FOXK2: variants seen among roughly 807,000 people sequenced by gnomAD.
FOXK2 encodes forkhead box K2.
Under a neutral mutation model 53.3 loss-of-function variants are expected in FOXK2, and 24 were observed. The ratio of observed to expected loss-of-function variants is 0.45; its 90% confidence interval spans 0.33 to 0.63. The LOEUF (loss-of-function observed/expected upper bound fraction) is 0.63. Among genes scored for constraint, FOXK2 ranks in the 30% least tolerant of loss-of-function variants. The pLI is 0.03. For missense variants in FOXK2, 952 were observed against 910.5 expected (o/e 1.05, Z -0.59); for synonymous variants, 505 against 407.1 (o/e 1.24, Z -2.89).
chr17:82,529,218 C>CTTTT lies in FOXK2; in HGVS notation c.419+8930_419+8933dup, dbSNP rs753569022. ...CTGTTCAAATTATACTTGAAAGCGC[C>CTTTT]TTTTTTTTTTTTTTTTTTTTTTGAG... is the stretch of plus-strand genomic sequence containing the variant. On this transcript the variant is annotated intron_variant, in intron 1 of 8. Coordinates refer to ENST00000335255, the MANE Select transcript of FOXK2 (RefSeq NM_004514.4). 1.7e-3 allele frequency among the ~76,000 whole-genome samples: 157 copies of CTTTT among 90,454 alleles called. 1 individual carries two copies. Among genetic ancestry groups the CTTTT allele is most frequent in the African/African-American group, 2.5e-3 (53 of 21,102 alleles). 59.3% of individuals were successfully genotyped at this position (90,454 alleles called of 152,430 possible).
At chr17:82,586,836 G>A (rs2045181088) in intron 7 of FOXK2, among the ~76,000 whole-genome samples, 1 of 152,098 alleles carries the variant, frequency 6.6e-6, no homozygotes, top group Non-Finnish European at 1.5e-5. Flanking sequence ...GGAAGGTGGA[G>A]GTTGCAGTGA....
chr17:82,523,839 G>C (rs2044391072), intron 1 of FOXK2, among the ~76,000 whole-genome samples: 1 of 152,076 alleles, frequency 6.6e-6, no homozygotes, highest in African/African-American at 2.4e-5. Context: ...TTCTTTTTAA[G>C]TTTAAAAATC....
chr17:82,596,260 T>G, intron 8 of FOXK2: 6 of 957,352 alleles, frequency 6.3e-6, no homozygotes, highest in Non-Finnish European at 7.5e-6. Context: ...CTAGGGCAGT[T>G]GTTCGCTGAC....
chr17:82,583,403 C>T (rs184870515), intron 5 of FOXK2, among the ~76,000 whole-genome samples: 60 of 152,292 alleles, frequency 3.9e-4, no homozygotes, highest in African/African-American at 1.3e-3. Flanking sequence ...AAAAATTAGC[C>T]GGGCGCGGTG....
chr17:82,585,933 A>G lies in FOXK2; in HGVS notation c.1309A>G (p.Ile437Val), dbSNP rs776222029. 4.3e-6 allele frequency: 7 copies of G among 1,612,410 alleles called. No homozygotes were observed. The highest frequency in any genetic ancestry group is 5.1e-6 in the Non-Finnish European group (6 of 1,179,652). The change falls in exon 7 of 9, where the codon ATC (isoleucine) becomes GTC (valine). Residue 437 changes from isoleucine to valine, a missense_variant. Ile to Val is a conservative substitution (Grantham distance 29, BLOSUM62 3). Coordinates refer to ENST00000335255, the MANE Select transcript of FOXK2 (RefSeq NM_004514.4). ...ACCTCTGTCCAGTCAGCCAGTCTTA[A>G]TCACCGTCCAGCGGCAGCTACCACA... Reference protein sequence around the residue: ...GSPLSSQPVLITVQRQLPQAI... With the variant: ...GSPLSSQPVLVTVQRQLPQAI...
intron 1 of FOXK2, among the ~76,000 whole-genome samples, chr17:82,548,216 C>T (rs2044645331): frequency 6.6e-6 from 1 of 152,190 alleles, no homozygotes. Context: ...ACCCACTTTT[C>T]CAGAGCAGTT....
chr17:82,544,541 C>T (rs142561858), intron 1 of FOXK2, among the ~76,000 whole-genome samples: 35 of 152,288 alleles, frequency 2.3e-4, no homozygotes, highest in Non-Finnish European at 2.6e-4. Context: ...TTATTCCCAG[C>T]ACTGCGTCAT....
At position 82,587,069 on chromosome 17, in the gene FOXK2, T is replaced by C; in HGVS notation, c.1583T>C (p.Val528Ala). ...TCTTTTCCTTTAATTTCAGTGAAAG[T>C]AGAGCCTATTCCCGCCATTGGCCAC... is the stretch of plus-strand genomic sequence containing the variant. ...NGDHREVKVK[V>A]EPIPAIGHAT... The change falls in exon 8 of 9, where the codon GTA becomes GCA. Residue 528 changes from valine to alanine, a missense_variant. By Grantham distance (64) the Val-to-Ala change is moderately conservative. This residue lies in a region of FOXK2 where 551 missense variants were observed against 385.1 expected (regional missense o/e 1.43). Transcript: ENST00000335255. The C allele has an allele frequency of 6.2e-7, 1 of 1,612,738 alleles. No homozygotes were observed. Among genetic ancestry groups the C allele is most frequent in the Non-Finnish European group, 8.5e-7 (1 of 1,179,868 alleles).
intron 8 of FOXK2, among the ~76,000 whole-genome samples, chr17:82,589,238 C>G (rs1470749484): frequency 1.3e-5 from 2 of 152,066 alleles, no homozygotes; most frequent in Non-Finnish European, 2.9e-5. Flanking sequence ...ATGAGATGTC[C>G]ACTTGCCCAC....
In FOXK2 at chr17:82,604,300, C is replaced by G. The variant is rs980953767; in HGVS notation, c.*2801C>G. 1.3e-5 allele frequency: 2 copies of G among 152,430 alleles called. No homozygotes were observed. The highest frequency in any genetic ancestry group is 4.8e-5 in the African/African-American group (2 of 41,414). The allele number at this position is 152,430 out of a possible 1,614,324, so 9.4% of individuals were successfully genotyped here. A position where few individuals can be genotyped will look rare whatever the true frequency, so the allele number is the denominator to read the frequency against. On this transcript the variant is annotated 3_prime_UTR_variant, in exon 9 of 9. Transcript: ENST00000335255. ...GTGTGTGCGGCATGATCCTCGGTTG[C>G]TCCTCCTCTCACTTTAGTAGAGTAC...
chr17:82,531,676 A>G (rs2044473038), intron 1 of FOXK2, among the ~76,000 whole-genome samples: 1 of 152,182 alleles, frequency 6.6e-6, no homozygotes, highest in Non-Finnish European at 1.5e-5. Flanking sequence ...TAGAAAAGGC[A>G]CAGTAAAAAT....
At chr17:82,537,220 A>G (rs972335779) in intron 1 of FOXK2, among the ~76,000 whole-genome samples, 2 of 152,154 alleles carry the variant, frequency 1.3e-5, no homozygotes, top group African/African-American at 2.4e-5. Flanking sequence ...AAATTCAGAT[A>G]CTTGTTGACT....
intron 3 of FOXK2, among the ~76,000 whole-genome samples, chr17:82,569,023 A>G (rs962431525): frequency 3.9e-5 from 6 of 152,222 alleles, no homozygotes; most frequent in African/African-American, 1.4e-4. Flanking sequence ...AAAAAATAAA[A>G]TAAAAAATAA....
In FOXK2 at chr17:82,571,882, C is replaced by G. The variant is rs769043036; in HGVS notation, c.909+12C>G. ...ACAAGGGCTGGCAGGTAAATGCCTTCAGTTTGTTGTTAAATAGAGGCTGAT... is the reference window on the plus strand; with the variant it reads ...ACAAGGGCTGGCAGGTAAATGCCTTGAGTTTGTTGTTAAATAGAGGCTGAT... On this transcript the variant is annotated intron_variant, in intron 4 of 8. Transcript: ENST00000335255. 2 of 1,538,928 alleles carry G rather than the reference C, an allele frequency of 1.3e-6. No individual in the cohort carries two copies. Among genetic ancestry groups the G allele is most frequent in the Non-Finnish European group, 1.7e-6 (2 of 1,148,362 alleles).
chr17:82,561,876 G>T lies in FOXK2; in HGVS notation c.420-1478G>T, dbSNP rs552763745. Among the ~76,000 whole-genome samples the T allele has an allele frequency of 5.2e-4, 78 of 149,110 alleles. No individual in the cohort carries two copies. The South Asian group carries it at 0.017, about 32-fold the overall frequency. On this transcript the variant is annotated intron_variant, in intron 1 of 8. Coordinates refer to ENST00000335255, the MANE Select transcript of FOXK2 (RefSeq NM_004514.4). Reference sequence around the variant, plus strand: ...TCCACAGGCTGGAGGTGCCCCTAGGGCAGGGTGGTGGACAGAGTCTTCCTC... The same window carrying T: ...TCCACAGGCTGGAGGTGCCCCTAGGTCAGGGTGGTGGACAGAGTCTTCCTC...
chr17:82,542,007 A>G (rs1317186445), intron 1 of FOXK2, among the ~76,000 whole-genome samples: 1 of 151,166 alleles, frequency 6.6e-6, no homozygotes, highest in Admixed American at 6.6e-5. Context: ...CAGCCACCCT[A>G]GTAGCTGGGA....
intron 1 of FOXK2, among the ~76,000 whole-genome samples, chr17:82,561,789 A>G (rs1183859264): frequency 1.3e-5 from 2 of 152,054 alleles, no homozygotes; most frequent in African/African-American, 4.8e-5. Context: ...TCCGACCTCC[A>G]CAGGCTGGAC....
intron 1 of FOXK2, among the ~76,000 whole-genome samples, chr17:82,542,398 C>T (rs1041813349): frequency 6.6e-6 from 1 of 152,092 alleles, no homozygotes; most frequent in Non-Finnish European, 1.5e-5. Context: ...CTCCTGAACT[C>T]AGGTGATCCG....
chr17:82,598,921 C>T (rs936754059), intron 8 of FOXK2: 1 of 152,164 alleles, frequency 6.6e-6, no homozygotes, highest in Admixed American at 6.5e-5. Context: ...GTGGGGGTCT[C>T]CCTGAGAGGG....
Sources: allele counts gnomAD v4.1 joint callset (sites outside exome capture counted in the v4.1 genomes callset), GRCh38; gene constraint gnomAD v4.1.1; regional missense constraint gnomAD v4.1.1; transcripts MANE v1.5; gene names NCBI Gene and HGNC (gene_info 2026-07-23, HGNC 2026-07-21).